ABLIM2: variants seen among roughly 807,000 people sequenced by gnomAD.
ABLIM2 encodes the protein actin binding LIM protein family member 2.
A neutral mutation model predicts 97.7 loss-of-function variants in ABLIM2; 53 were observed. The observed-to-expected ratio is 0.54, with a 90% CI of 0.44 to 0.68. The LOEUF is 0.68. ABLIM2 is among the 30% of genes least tolerant of loss of function. ABLIM2 has a pLI of 0.00. For missense variants in ABLIM2, 835 were observed against 867.2 expected, an observed-to-expected ratio of 0.96 and a Z score of 0.47; for synonymous variants, 361 against 345.8, an observed-to-expected ratio of 1.04 and a Z score of -0.49.
chr4:8,121,712 C>T (rs186690418), intron 1 of ABLIM2, among the ~76,000 whole-genome samples: 82 of 152,330 alleles, frequency 5.4e-4, no homozygotes, highest in Middle Eastern at 6.8e-3. Flanking sequence ...AGGCCTTCAG[C>T]GTACAGCAGA....
In ABLIM2 at chr4:7,992,660, G is replaced by C. The variant is rs1235305964; in HGVS notation, c.1680+206C>G. ...GGGGGCAGGGAGGCAGAGTGGGGAG[G>C]GTGTTGCCCAGGTCTGGTTCGGTCC... On this transcript the variant is annotated intron_variant, in intron 17 of 20. Coordinates refer to ENST00000447017, the MANE Select transcript of ABLIM2 (RefSeq NM_001130083.2). This position sits in a 1 kb window ranked among gnomAD's most constrained non-coding sequence, Gnocchi z 5.7. 1.3e-5 allele frequency among the ~76,000 whole-genome samples: 2 copies of C among 152,136 alleles called. No homozygotes were observed. The highest frequency in any genetic ancestry group is 2.9e-5 in the Non-Finnish European group (2 of 68,014).
At chr4:8,017,592 G>A (rs1249091330) in intron 14 of ABLIM2, among the ~76,000 whole-genome samples, 2 of 152,126 alleles carry the variant, frequency 1.3e-5, no homozygotes, top group African/African-American at 4.8e-5. Flanking sequence ...CCGGCTTACA[G>A]CAAAATTTTG....
intron 2 of ABLIM2, among the ~76,000 whole-genome samples, chr4:8,102,116 A>C (rs1167574932): frequency 6.6e-6 from 1 of 152,230 alleles, no homozygotes; most frequent in Non-Finnish European, 1.5e-5. Context: ...TGCTAGTGTC[A>C]AAGCCACGGT....
intron 1 of ABLIM2, among the ~76,000 whole-genome samples, chr4:8,117,491 ACTGCAGACTCCACCCG>A (rs1241146471): frequency 1.2e-3 from 174 of 147,044 alleles, no homozygotes; most frequent in Admixed American, 1.4e-3. Context: ...GACTCCACCC[ACTGCAGACTCCACCCG>A]CTGCAGACTC....
At chr4:8,126,124 A>C in intron 1 of ABLIM2, among the ~76,000 whole-genome samples, 1 of 152,302 alleles carries the variant, frequency 6.6e-6, no homozygotes, top group Admixed American at 6.5e-5. Flanking sequence ...TGCTCCCTTC[A>C]GTAACATTCC....
Position 8,148,417 on chromosome 4 carries a change from C to CG in ABLIM2, c.10+10262dup, listed in dbSNP as rs1290070708. Among the ~76,000 whole-genome samples the CG allele has an allele frequency of 6.6e-5, 10 of 152,170 alleles. No individual in the cohort carries two copies. Among genetic ancestry groups the CG allele is most frequent in the South Asian group, 6.2e-4 (3 of 4,822 alleles). On this transcript the variant is annotated intron_variant, in intron 1 of 20. Coordinates refer to ENST00000447017, the MANE Select transcript of ABLIM2 (RefSeq NM_001130083.2). This position sits in a 1 kb window ranked among gnomAD's most constrained non-coding sequence, Gnocchi z 6.7. ...GGAGGTGAGGGAGCCGCTCAGGACG[C>CG]GGGGGGGCCATGGCGCACCACAGTT...
intron 3 of ABLIM2, among the ~76,000 whole-genome samples, chr4:8,090,893 T>C (rs1010688508): frequency 2.0e-5 from 3 of 152,106 alleles, no homozygotes; most frequent in Admixed American, 6.6e-5. Flanking sequence ...TGGGGGCTTC[T>C]GGGCTGTTTC....
At chr4:8,039,781 A>G (rs533432633) in intron 9 of ABLIM2, among the ~76,000 whole-genome samples, 1 of 152,232 alleles carries the variant, frequency 6.6e-6, no homozygotes, top group African/African-American at 2.4e-5. Context: ...CACACACAGA[A>G]GCGAGACCTG....
At chr4:8,135,967 G>C (rs146443649) in intron 1 of ABLIM2, among the ~76,000 whole-genome samples, 234 of 152,340 alleles carry the variant, frequency 1.5e-3, no homozygotes, top group African/African-American at 5.5e-3. Context: ...CGGAGCTGCT[G>C]ACAGGACCAT....
rs142198042 is a variant in ABLIM2 at position 8,007,209 on chromosome 4, C to CG, written c.1618+849dup. The stretch of plus-strand genomic sequence containing the variant: ...CTGTTTACTGAGCAGCTACTATGGC[C>CG]GGCCGAATGCCACACACATACCCAG... On this transcript the variant is annotated intron_variant, in intron 16 of 20. Coordinates refer to ENST00000447017, the MANE Select transcript of ABLIM2 (RefSeq NM_001130083.2). The CG allele has an allele frequency of 4.2e-3, 4,105 of 985,394 alleles. 115 individuals are homozygous for CG. The African/African-American group carries it at 0.065, about 16-fold the overall frequency. The allele number at this position is 985,394 out of a possible 1,614,324, so 61.0% of individuals were successfully genotyped here. A position where few individuals can be genotyped will look rare whatever the true frequency, so the allele number is the denominator to read the frequency against.
chr4:8,077,946 G>A (rs1002622764), intron 5 of ABLIM2, among the ~76,000 whole-genome samples: 1 of 152,224 alleles, frequency 6.6e-6, no homozygotes, highest in Non-Finnish European at 1.5e-5. Flanking sequence ...GAGAAACTGA[G>A]GAGCACAGGC....
At position 7,993,048 on chromosome 4, in the gene ABLIM2, C is replaced by T. The variant is rs1013592012; in HGVS notation, c.1619-121G>A. ...CTGGGCAAGCAACACAGGGGAGGCCCCCTGAGGACCATGACCTGCCTCAGT... is the reference window on the plus strand; with the variant it reads ...CTGGGCAAGCAACACAGGGGAGGCCTCCTGAGGACCATGACCTGCCTCAGT... On this transcript the variant is annotated intron_variant, in intron 16 of 20. Transcript: ENST00000447017. 2.4e-5 allele frequency: 24 copies of T among 984,760 alleles called. No individual in the cohort carries two copies. In the African/African-American group the frequency reaches 3.4e-4, roughly 14 times the overall value. The allele number at this position is 984,760 out of a possible 1,614,324, so 61.0% of individuals were successfully genotyped here.
chr4:8,066,372 A>G (rs372004038), intron 6 of ABLIM2, among the ~76,000 whole-genome samples: 2 of 33,842 alleles, frequency 5.9e-5, no homozygotes, highest in Non-Finnish European at 1.1e-4. Context: ...GAAGGAAGGA[A>G]GGAAGGAAGG....
rs533453735 is a variant in ABLIM2 at position 7,991,533 on chromosome 4, T to A, written c.1680+1333A>T. ...AACATTGAGCTCAGGGATTTGCACGTCTTTTGGTGTCGTAGGAGTCCTGTG... is the reference window on the plus strand; with the variant it reads ...AACATTGAGCTCAGGGATTTGCACGACTTTTGGTGTCGTAGGAGTCCTGTG... On this transcript the variant is annotated intron_variant, in intron 17 of 20. Transcript: ENST00000447017. 6.3e-5 allele frequency among the ~76,000 whole-genome samples: 8 copies of A among 126,328 alleles called. No homozygotes were observed. In the South Asian group the frequency reaches 1.6e-3, roughly 26 times the overall value. 82.9% of individuals were successfully genotyped at this position (126,328 alleles called of 152,430 possible). A position where few individuals can be genotyped will look rare whatever the true frequency, so the allele number is the denominator to read the frequency against.
chr4:7,977,253 A>G (rs1002776091), intron 20 of ABLIM2, among the ~76,000 whole-genome samples: 1 of 152,186 alleles, frequency 6.6e-6, no homozygotes, highest in Non-Finnish European at 1.5e-5. Flanking sequence ...GTAAGTTTCC[A>G]GAGGCCTCCC....
intron 20 of ABLIM2, among the ~76,000 whole-genome samples, chr4:7,973,832 C>T (rs934579922): frequency 3.3e-5 from 5 of 152,256 alleles, no homozygotes; most frequent in East Asian, 1.9e-4. Flanking sequence ...CTGTATGTGT[C>T]GCCGTGGCTG....
Position 8,120,639 on chromosome 4 carries a change from G to A in ABLIM2, c.11-14002C>T, listed in dbSNP as rs560380153. On this transcript the variant is annotated intron_variant, in intron 1 of 20. Coordinates refer to ENST00000447017, the MANE Select transcript of ABLIM2 (RefSeq NM_001130083.2). This position sits in a 1 kb window ranked among gnomAD's most constrained non-coding sequence, Gnocchi z 5.6. Reference sequence around the variant, plus strand: ...GGGAGGATGCACATCTGCCAGTCCAGCCCCCATCTGTGTGCTCTGTCGTGG... The same window carrying A: ...GGGAGGATGCACATCTGCCAGTCCAACCCCCATCTGTGTGCTCTGTCGTGG... Among the ~76,000 whole-genome samples, 2 of 152,146 alleles carry A rather than the reference G, an allele frequency of 1.3e-5. No individual in the cohort carries two copies. The highest frequency in any genetic ancestry group is 3.9e-4 in the East Asian group (2 of 5,174).
rs979381330 is a variant in ABLIM2 at position 8,061,717 on chromosome 4, C to T, written c.676-663G>A. 9.2e-5 allele frequency among the ~76,000 whole-genome samples: 14 copies of T among 151,862 alleles called. No homozygotes were observed. Among genetic ancestry groups the T allele is most frequent in the Non-Finnish European group, 2.1e-4 (14 of 67,994 alleles). ...CCCACGTTCCAGCACACACTTCCTA[C>T]CCTGAGGGCACGGCGGGTGCAGCCT... On this transcript the variant is annotated intron_variant, in intron 6 of 20. Transcript: ENST00000447017. This position sits in a 1 kb window ranked among gnomAD's most constrained non-coding sequence, Gnocchi z 4.5.
chr4:7,969,120 A>G (rs1426320558), intron 20 of ABLIM2, among the ~76,000 whole-genome samples: 2 of 151,760 alleles, frequency 1.3e-5, no homozygotes, highest in Non-Finnish European at 2.9e-5. Flanking sequence ...TGACAGAGTA[A>G]GACTCCATCT....
Sources: allele counts gnomAD v4.1 joint callset (sites outside exome capture counted in the v4.1 genomes callset), GRCh38; gene constraint gnomAD v4.1.1; non-coding constraint Gnocchi (gnomAD v3.1); transcripts MANE v1.5; gene names NCBI Gene and HGNC (gene_info 2026-07-23, HGNC 2026-07-21).